Variants in PDE4B observed in about 807,000 individuals in gnomAD.
The protein encoded by PDE4B is phosphodiesterase 4B.
In PDE4B, 20 loss-of-function variants were observed where a neutral mutation model predicts 82.2. The observed-to-expected ratio is 0.24, with a 90% CI of 0.17 to 0.35. The LOEUF is 0.35. PDE4B is among the 10% of genes least tolerant of loss of function. PDE4B has a pLI of 1.00. For synonymous variants in PDE4B, 320 were observed against 318.9 expected (o/e 1.00, Z -0.04); for missense variants, 655 against 907.2 (o/e 0.72, Z 3.57).
chr1:66,129,654 C>T (rs1275669099), intron 3 of PDE4B, among the ~76,000 whole-genome samples: 1 of 81,670 alleles, frequency 1.2e-5, no homozygotes, highest in East Asian at 3.2e-4. Context: ...AGCGAGACTC[C>T]GTCTCAAAAA....
rs117030160 is a variant in PDE4B at position 66,295,341 on chromosome 1, T to C, written c.634+29254T>C. On this transcript the variant is annotated intron_variant, in intron 7 of 16. Transcript: ENST00000341517. ...ACATTAAGACTCAGCCCCACATGTC[T>C]GTGTGTTTTGTGAAATAATACTTAC... 3.3e-5 allele frequency among the ~76,000 whole-genome samples: 5 copies of C among 152,340 alleles called. No individual in the cohort carries two copies. The East Asian group carries it at 9.6e-4, about 29-fold the overall frequency.
intron 3 of PDE4B, among the ~76,000 whole-genome samples, chr1:66,208,027 C>T (rs1649700963): frequency 6.6e-6 from 1 of 152,116 alleles, no homozygotes; most frequent in African/African-American, 2.4e-5. Context: ...TTAAATAAAT[C>T]CTAAGGGAAA....
intron 4 of PDE4B, among the ~76,000 whole-genome samples, chr1:66,255,340 G>A (rs539821375): frequency 1.5e-4 from 23 of 152,092 alleles, no homozygotes; most frequent in African/African-American, 4.3e-4. Flanking sequence ...CGCCTGCCTC[G>A]GCCTCCCAAA....
At chr1:65,970,339 G>T (rs757695462) in intron 3 of PDE4B, among the ~76,000 whole-genome samples, 3 of 152,016 alleles carry the variant, frequency 2.0e-5, no homozygotes, top group Admixed American at 2.0e-4. Context: ...ATGTCCAGAG[G>T]CAGGGGCTAG....
rs1557557807 is a variant in PDE4B, at chr1:66,096,511, TA to T, written c.282-150948del. On this transcript the variant is annotated intron_variant, in intron 3 of 16. Coordinates refer to ENST00000341517, the MANE Select transcript of PDE4B (RefSeq NM_002600.4). ...AATGCGGTATAAGTAAAAAAAATTA[TA>T]TATATATATATATATATATATATAT... Among the ~76,000 whole-genome samples the T allele has an allele frequency of 1.3e-4, 17 of 132,916 alleles. 1 individual carries two copies. The highest frequency in any genetic ancestry group is 5.0e-4 in the African/African-American group (17 of 34,316). 87.2% of individuals were successfully genotyped at this position (132,916 alleles called of 152,430 possible).
chr1:66,221,891 T>C (rs1446884114), intron 3 of PDE4B, among the ~76,000 whole-genome samples: 1 of 34,792 alleles, frequency 2.9e-5, no homozygotes, highest in Non-Finnish European at 7.7e-5. Flanking sequence ...ACTGAGTGTA[T>C]TGACTTTTTT....
intron 3 of PDE4B, among the ~76,000 whole-genome samples, chr1:66,151,601 CCT>C (rs1192921086): frequency 2.6e-5 from 4 of 152,144 alleles, no homozygotes; most frequent in Non-Finnish European, 4.4e-5. Flanking sequence ...TCCCTGTCTG[CCT>C]CTGTCTTGTG....
chr1:65,831,274 A>G (rs962367051), intron 1 of PDE4B, among the ~76,000 whole-genome samples: 6 of 152,286 alleles, frequency 3.9e-5, no homozygotes, highest in East Asian at 1.9e-4. Context: ...TAAAGGATCA[A>G]TATAATTGGT....
chr1:66,084,588 A>G (rs1037018774), intron 3 of PDE4B, among the ~76,000 whole-genome samples: 1 of 152,154 alleles, frequency 6.6e-6, no homozygotes, highest in Non-Finnish European at 1.5e-5. Context: ...AGACCCCAAG[A>G]AACTCATCCA....
chr1:66,364,855 A>G (rs1048465334), intron 12 of PDE4B, among the ~76,000 whole-genome samples: 5 of 152,216 alleles, frequency 3.3e-5, no homozygotes, highest in South Asian at 2.1e-4. Context: ...GGAGAGCTCA[A>G]TGAGTGCTTG....
intron 3 of PDE4B, among the ~76,000 whole-genome samples, chr1:65,984,703 C>T (rs899233809): frequency 2.6e-5 from 4 of 151,962 alleles, no homozygotes; most frequent in Non-Finnish European, 5.9e-5. Context: ...TGCAGTGAGC[C>T]GAGATGGTGC....
chr1:65,937,206 T>A (rs990827481), intron 3 of PDE4B, among the ~76,000 whole-genome samples: 2 of 152,236 alleles, frequency 1.3e-5, no homozygotes, highest in African/African-American at 4.8e-5. Flanking sequence ...TGTTTGAGCA[T>A]CTATTAACTT....
At chr1:65,828,259 A>G (rs1419887157) in intron 1 of PDE4B, among the ~76,000 whole-genome samples, 3 of 152,078 alleles carry the variant, frequency 2.0e-5, no homozygotes, top group Admixed American at 6.6e-5. Flanking sequence ...TATTATTATA[A>G]TTCTGAAACA....
At chr1:66,236,448 C>T in intron 3 of PDE4B, among the ~76,000 whole-genome samples, 1 of 151,952 alleles carries the variant, frequency 6.6e-6, no homozygotes, top group Non-Finnish European at 1.5e-5. Context: ...ATGTTTATTC[C>T]TTTGTATAGA....
chr1:65,929,190 G>A (rs1283141922), intron 3 of PDE4B, among the ~76,000 whole-genome samples: 1 of 152,112 alleles, frequency 6.6e-6, no homozygotes, highest in Non-Finnish European at 1.5e-5. Flanking sequence ...TACCTTGCCT[G>A]GCAACCACCT....
intron 3 of PDE4B, among the ~76,000 whole-genome samples, chr1:66,081,550 T>A (rs891921304): frequency 1.3e-5 from 2 of 152,084 alleles, no homozygotes; most frequent in African/African-American, 4.8e-5. Context: ...TAGAATAAAG[T>A]GTATATAATA....
At chr1:65,892,845 C>T (rs2100391614) in intron 1 of PDE4B, among the ~76,000 whole-genome samples, 1 of 152,026 alleles carries the variant, frequency 6.6e-6, no homozygotes, top group South Asian at 2.1e-4. Flanking sequence ...GAGATAAATT[C>T]CATTAATAAA....
At chr1:66,266,541 C>A in intron 7 of PDE4B, 1 of 367,816 alleles carries the variant, frequency 2.7e-6, no homozygotes. Context: ...ACATCCTTTC[C>A]AGGTGTGAAA....
At chr1:66,130,489 G>A (rs559919543) in intron 3 of PDE4B, among the ~76,000 whole-genome samples, 1 of 152,202 alleles carries the variant, frequency 6.6e-6, no homozygotes, top group Admixed American at 6.5e-5. Context: ...GATGCTGAGG[G>A]ACACCTCACA....
Sources: gnomAD v4.1 joint callset for allele counts (sites outside exome capture counted in the v4.1 genomes callset) on GRCh38, gnomAD v4.1.1 for gene constraint, MANE v1.5 for transcripts, NCBI Gene and HGNC (gene_info 2026-07-23, HGNC 2026-07-21) for gene names.